MVP: variants seen among roughly 807,000 people sequenced by gnomAD.
The protein encoded by MVP is major vault protein, also known as lung resistance-related protein.
Under a neutral mutation model 83.5 loss-of-function variants are expected in MVP, and 62 were observed. That is an observed-to-expected ratio of 0.74 (90% CI 0.61 to 0.92). The LOEUF is 0.92. MVP is among the 40% of genes least tolerant of loss of function. The probability of loss-of-function intolerance (pLI) is 0.00; values close to 1 mark genes in which losing one functional copy is unlikely to be tolerated. For synonymous variants in MVP, 505 were observed against 504.1 expected (o/e 1.00, Z -0.02); for missense variants, 1,000 against 1,203.4 (o/e 0.83, Z 2.50).
At chr16:29,834,177 T>C in intron 5 of MVP, 111 bp downstream of exon 5, 1 of 1,441,150 alleles carries the variant, frequency 6.9e-7, no homozygotes, top group Non-Finnish European at 9.3e-7. Flanking sequence ...GGCGCTTTCC[T>C]GGTATCTTTT....
intron 11 of MVP, 131 bp from the exon 12 acceptor site, chr16:29,845,732 T>C: frequency 1.5e-6 from 1 of 674,880 alleles, no homozygotes; most frequent in Non-Finnish European, 2.5e-6. Context: ...TGGGTTGAGT[T>C]GCGTATTGGG....
At chr16:29,847,436 A>G in intron 14 of MVP, 51 bp downstream of exon 14, 1 of 1,490,024 alleles carries the variant, frequency 6.7e-7, no homozygotes, top group East Asian at 2.3e-5. Flanking sequence ...TGAAACCAGG[A>G]AGGCAGAGCC....
Position 29,841,772 on chromosome 16 carries a change from T to C in MVP, c.1368T>C (p.Arg456=). ...LQPLAPRNKT[R]VVSYRVPHNA... is the part of the protein sequence containing the mutation. ...CCTTGGCGCCCCGGAACAAGACCCGTGTGGTCAGCTACCGCGTGCCCCACA... is the reference window on the plus strand; with the variant it reads ...CCTTGGCGCCCCGGAACAAGACCCGCGTGGTCAGCTACCGCGTGCCCCACA... Residue 456 remains arginine (R), a synonymous_variant, in exon 9 of 15, where the codon CGT becomes CGC. Coordinates refer to ENST00000357402, the MANE Select transcript of MVP (RefSeq NM_005115.5). The surrounding 1 kb of genome is among the most constrained non-coding windows in gnomAD (Gnocchi z 4.7). 1 of 1,613,632 alleles carries C rather than the reference T, an allele frequency of 6.2e-7. No individual in the cohort carries two copies. The highest frequency in any genetic ancestry group is 8.5e-7 in the Non-Finnish European group (1 of 1,179,984).
chr16:29,839,974 T>C, intron 7 of MVP: 1 of 528,014 alleles, frequency 1.9e-6, no homozygotes, highest in Non-Finnish European at 3.3e-6. Context: ...AAGGACACAT[T>C]TGACCAGATG....
Position 29,845,941 on chromosome 16 carries a change from G to A in MVP, c.2100G>A (p.Glu700=). 1 of 1,614,268 alleles carries A rather than the reference G, an allele frequency of 6.2e-7. No individual in the cohort carries two copies. The highest frequency in any genetic ancestry group is 1.3e-5 in the African/African-American group (1 of 75,080). Residue 700 remains glutamate (E), a synonymous_variant, in exon 12 of 15, where the codon GAG becomes GAA. Coordinates refer to ENST00000357402, the MANE Select transcript of MVP (RefSeq NM_005115.5). ...AGATCCTGGACCAGTCAGAAGCCGA[G>A]AAAGCTCGCAAGGAACTTTTGGAGC... is the stretch of plus-strand genomic sequence containing the variant. The part of the protein sequence containing the change: ...RQKILDQSEA[E]KARKELLELE...
chr16:29,829,968 C>G (rs2067429478), intron 1 of MVP: 1 of 153,528 alleles, frequency 6.5e-6, no homozygotes, highest in Admixed American at 6.4e-5. Context: ...AGCCACTGGA[C>G]TACCTGAGGC....
In MVP at chr16:29,841,550, C is replaced by A; in HGVS notation, c.1192-46C>A. Reference sequence around the variant, plus strand: ...TTGGGACAGCTGGGCGGATCTTCCTCCCTTCCACCCTTACGGGCAGCTTCC... The same window carrying A: ...TTGGGACAGCTGGGCGGATCTTCCTACCTTCCACCCTTACGGGCAGCTTCC... On this transcript the variant is annotated intron_variant, in intron 8 of 14. Transcript: ENST00000357402. The surrounding 1 kb of genome is among the most constrained non-coding windows in gnomAD (Gnocchi z 4.7). 1 of 1,526,138 alleles carries A rather than the reference C, an allele frequency of 6.6e-7. No homozygotes were observed. Among genetic ancestry groups the A allele is most frequent in the South Asian group, 1.3e-5 (1 of 77,252 alleles). 94.5% of individuals were successfully genotyped at this position (1,526,138 alleles called of 1,614,324 possible).
intron 1 of MVP, among the ~76,000 whole-genome samples, chr16:29,827,447 C>T (rs1043951304): frequency 6.6e-6 from 1 of 152,124 alleles, no homozygotes; most frequent in Non-Finnish European, 1.5e-5. Context: ...CCCCGAGCCA[C>T]GGGACCATGA....
At position 29,840,210 on chromosome 16, in the gene MVP, G is replaced by A. The variant is rs1285263822; in HGVS notation, c.942G>A (p.Glu314=). The A allele has an allele frequency of 2.5e-6, 4 of 1,612,610 alleles. No homozygotes were observed. Among genetic ancestry groups the A allele is most frequent in the South Asian group, 2.2e-5 (2 of 91,052 alleles). Residue 314 remains glutamate, a synonymous_variant, in exon 8 of 15, where the codon GAG becomes GAA. Coordinates refer to ENST00000357402, the MANE Select transcript of MVP (RefSeq NM_005115.5). ...AGTCTTTTTTCCTCCAGCCAGGAGA[G>A]CAGCTGGAACAAGGCATCCAGGATG... ...GEKSFFLQPG[E]QLEQGIQDVY...
chr16:29,834,045 G>C lies in MVP; in HGVS notation c.556G>C (p.Asp186His). The stretch of plus-strand genomic sequence containing the variant: ...GGCCCGCAAGGAGTGCTGGGACCGG[G>C]ACGGCAAGGAGAGGGTGACAGGTGG... ...LRARKECWDR[D>H]GKERVTGEEW... Residue 186 changes from aspartate (D) to histidine (H), a missense_variant, in exon 5 of 15, where the codon GAC becomes CAC. Coordinates refer to ENST00000357402, the MANE Select transcript of MVP (RefSeq NM_005115.5). 1.2e-6 allele frequency: 2 copies of C among 1,613,926 alleles called. No individual in the cohort carries two copies. Among genetic ancestry groups the C allele is most frequent in the Non-Finnish European group, 1.7e-6 (2 of 1,179,906 alleles).
intron 10 of MVP, among the ~76,000 whole-genome samples, chr16:29,843,552 G>GGAAGGGAGGAGGGAA (rs2150759931): frequency 2.5e-5 from 1 of 39,466 alleles, no homozygotes; most frequent in Non-Finnish European, 5.6e-5. Context: ...GAGGAAGGGA[G>GGAAGGGAGGAGGGAA]GGAGGGAGGG....
chr16:29,836,665 G>C, intron 6 of MVP, 57 bp from the exon 7 acceptor site: 1 of 1,414,678 alleles, frequency 7.1e-7, no homozygotes, highest in Non-Finnish European at 9.6e-7. Flanking sequence ...AATGGGGCTC[G>C]CAGATCCCCT....
chr16:29,830,712 A>T, intron 2 of MVP, 38 bp downstream of exon 2: 3 of 1,608,322 alleles, frequency 1.9e-6, no homozygotes, highest in Non-Finnish European at 2.5e-6. Flanking sequence ...ATCCTTGGGG[A>T]TGTGGGGGCC....
rs200748000 is a variant in MVP at position 29,844,569 on chromosome 16, G to A, written c.1711G>A (p.Ala571Thr). The change falls in exon 11 of 15, where the codon GCC becomes ACC. Residue 571 changes from alanine (A) to threonine (T), a missense_variant. Coordinates refer to ENST00000357402, the MANE Select transcript of MVP (RefSeq NM_005115.5). ...TTCAGTGCCAGACTTTGTAGGTGAT[G>A]CCTGCAAAGCCATCGCATCCCGGGT... ...LFSVPDFVGDACKAIASRVRG... is the reference protein window; with the variant it reads ...LFSVPDFVGDTCKAIASRVRG... 259 of 1,607,464 alleles carry A rather than the reference G, an allele frequency of 1.6e-4. No homozygotes were observed. The highest frequency in any genetic ancestry group is 2.1e-4 in the Non-Finnish European group (248 of 1,176,518).
At chr16:29,844,299 GTTC>G (rs916393223) in intron 10 of MVP, among the ~76,000 whole-genome samples, 191 bp from the exon 11 acceptor site, 29 of 152,262 alleles carry the variant, frequency 1.9e-4, no homozygotes, top group African/African-American at 6.7e-4. Flanking sequence ...GGGTGTTGAA[GTTC>G]TTCTCGGAGA....
chr16:29,825,043 A>G (rs2067395592), intron 1 of MVP, among the ~76,000 whole-genome samples: 1 of 152,100 alleles, frequency 6.6e-6, no homozygotes, highest in African/African-American at 2.4e-5. Context: ...TCTCTCAGGC[A>G]AGAGCCCCTC....
chr16:29,842,715 G>C (rs1394077248), intron 10 of MVP, among the ~76,000 whole-genome samples: 1 of 152,178 alleles, frequency 6.6e-6, no homozygotes, highest in African/African-American at 2.4e-5. Context: ...TCAAGTGCTG[G>C]TGCTGGGCTC....
At chr16:29,828,605 C>T (rs1014123106) in intron 1 of MVP, among the ~76,000 whole-genome samples, 18 of 152,180 alleles carry the variant, frequency 1.2e-4, no homozygotes, top group Admixed American at 3.9e-4. Flanking sequence ...GTCTCGAACT[C>T]CTGACCTCAG....
At position 29,833,744 on chromosome 16, in the gene MVP, C is replaced by A. The variant is rs537632250; in HGVS notation, c.333C>A (p.Pro111=). The A allele has an allele frequency of 6.2e-7, 1 of 1,613,992 alleles. No homozygotes were observed. Among genetic ancestry groups the A allele is most frequent in the African/African-American group, 1.3e-5 (1 of 74,990 alleles). The change falls in exon 4 of 15, where the codon CCC becomes CCA. Residue 111 remains proline, a synonymous_variant. Coordinates refer to ENST00000357402, the MANE Select transcript of MVP (RefSeq NM_005115.5). The stretch of plus-strand genomic sequence containing the variant: ...TTCTTCCCCACTAGGACATCACACC[C>A]CTGCAGGTGGTTCTGCCCAACACTG... ...PGEVLEKDIT[P]LQVVLPNTAL... is the part of the protein sequence containing the mutation.
Sources: gnomAD v4.1 joint callset for allele counts (sites outside exome capture counted in the v4.1 genomes callset) on GRCh38, gnomAD v4.1.1 for gene constraint, Gnocchi (gnomAD v3.1) non-coding constraint, MANE v1.5 for transcripts, NCBI Gene and HGNC (gene_info 2026-07-23, HGNC 2026-07-21) for gene names.